Variants in GID8 observed in about 807,000 individuals in gnomAD.
The protein encoded by GID8 is GID complex subunit 8 homolog.
Under a neutral mutation model 27.4 loss-of-function variants are expected in GID8, and 6 were observed. The observed-to-expected ratio is 0.22, with a 90% CI of 0.12 to 0.43. The LOEUF (loss-of-function observed/expected upper bound fraction) is 0.43, where lower values mean the gene tolerates loss of function less well. GID8 is among the 20% of genes least tolerant of loss of function. GID8 has a pLI of 1.00. For missense variants in GID8, 173 were observed against 287.6 expected (o/e 0.60, Z 2.88); for synonymous variants, 112 against 109.0 (o/e 1.03, Z -0.17).
intron 1 of GID8, 148 bp from the exon 2 acceptor site, chr20:62,941,343 T>C (rs2065442707): frequency 1.0e-5 from 6 of 595,582 alleles, no homozygotes; most frequent in African/African-American, 1.9e-5. Flanking sequence ...AGCATTGGCA[T>C]TCTCAGTCTG....
At position 62,943,839 on chromosome 20, in the gene GID8, T is replaced by C; in HGVS notation, c.513+147T>C. ...ATGCTAAGTGGTTCCTTCATGGCTT[T>C]TTTTTTTTTTTTTGGAGGTGAAGTC... On this transcript the variant is annotated intron_variant, in intron 4 of 4. Transcript: ENST00000266069. The surrounding 1 kb of genome is among the most constrained non-coding windows in gnomAD (Gnocchi z 4.7). The C allele has an allele frequency of 2.8e-5, 12 of 435,134 alleles. No individual in the cohort carries two copies. The South Asian group carries it at 4.4e-4, about 16-fold the overall frequency. The allele number at this position is 435,134 out of a possible 1,614,324, so 27.0% of individuals were successfully genotyped here. A position where few individuals can be genotyped will look rare whatever the true frequency, so the allele number is the denominator to read the frequency against.
Position 62,948,110 on chromosome 20 carries a change from G to A in GID8, c.*3198G>A, listed in dbSNP as rs977563550. On this transcript the variant is annotated 3_prime_UTR_variant, in exon 5 of 5. Coordinates refer to ENST00000266069, the MANE Select transcript of GID8 (RefSeq NM_017896.3). The stretch of plus-strand genomic sequence containing the variant: ...GCGTTGTTCACAATAGGGCCTCATG[G>A]GTGTAGCCGCATGGCAGACCCATGG... 1.3e-5 allele frequency: 2 copies of A among 152,236 alleles called. No individual in the cohort carries two copies. Among genetic ancestry groups the A allele is most frequent in the African/African-American group, 4.8e-5 (2 of 41,466 alleles). The allele number at this position is 152,236 out of a possible 1,614,324, so 9.4% of individuals were successfully genotyped here. A position where few individuals can be genotyped will look rare whatever the true frequency, so the allele number is the denominator to read the frequency against.
At chr20:62,942,065 T>C (rs1273239748) in intron 2 of GID8, among the ~76,000 whole-genome samples, 1 of 152,186 alleles carries the variant, frequency 6.6e-6, no homozygotes, top group Non-Finnish European at 1.5e-5. Context: ...AGGGCAGTGC[T>C]GTATATGGCA....
rs184432335 is a variant in GID8, at chr20:62,943,457, G to T, written c.316-38G>T. ...CCACCTGCCCTAAGTCCCTGGCCTG[G>T]GTGTGTGGGGGTCAAGCTTGTCTGT... On this transcript the variant is annotated intron_variant, in intron 3 of 4. Coordinates refer to ENST00000266069, the MANE Select transcript of GID8 (RefSeq NM_017896.3). This position sits in a 1 kb window ranked among gnomAD's most constrained non-coding sequence, Gnocchi z 4.7. 2.6e-4 allele frequency: 410 copies of T among 1,588,864 alleles called. 1 individual carries two copies. In the African/African-American group the frequency reaches 4.8e-3, roughly 19 times the overall value.
rs2147633694 is a variant in GID8, at chr20:62,944,890, G to T, written c.665G>T (p.Gly222Val). 1 of 1,613,140 alleles carries T rather than the reference G, an allele frequency of 6.2e-7. No individual in the cohort carries two copies. The highest frequency in any genetic ancestry group is 2.2e-5 in the East Asian group (1 of 44,816). The change falls in exon 5 of 5, where the codon GGT becomes GTT. Residue 222 changes from glycine (G) to valine (V), a missense_variant. By Grantham distance (109) the Gly-to-Val change is moderately radical (BLOSUM62 -3). Transcript: ENST00000266069. ...CCCAAAATGACAGACCTCAGCAAGG[G>T]TGTGATTGAGGAGCCCAAGTAGCGC... ...KYPKMTDLSK[G>V]VIEEPK
In GID8 at chr20:62,938,260, TG is replaced by T. The variant is rs902489674; in HGVS notation, c.-13+9del. On this transcript the variant is annotated splice_region_variant and intron_variant, in intron 1 of 4. Coordinates refer to ENST00000266069, the MANE Select transcript of GID8 (RefSeq NM_017896.3). ...GGGAGGCAGGTTCCGCACGGTAAGA[TG>T]GCGGCGGCGGGCCCGGGCGGCCGGG... The T allele has an allele frequency of 6.6e-6, 1 of 151,100 alleles. No homozygotes were observed. The highest frequency in any genetic ancestry group is 2.4e-5 in the African/African-American group (1 of 41,122). The allele number at this position is 151,100 out of a possible 1,614,324, so 9.4% of individuals were successfully genotyped here.
chr20:62,942,012 G>A (rs1043857067), intron 2 of GID8, among the ~76,000 whole-genome samples: 2 of 152,200 alleles, frequency 1.3e-5, no homozygotes, highest in Non-Finnish European at 2.9e-5. Flanking sequence ...GAAGCGTGCA[G>A]AGGGAAATAA....
At chr20:62,944,537 C>G (rs552716699) in intron 4 of GID8, among the ~76,000 whole-genome samples, 1 of 152,216 alleles carries the variant, frequency 6.6e-6, no homozygotes, top group Non-Finnish European at 1.5e-5. Flanking sequence ...AAGGCTTGCT[C>G]ATGGCACTTA....
intron 2 of GID8, 37 bp downstream of exon 2, chr20:62,941,657 T>C: frequency 8.9e-7 from 1 of 1,127,484 alleles, no homozygotes; most frequent in South Asian, 1.2e-5. Flanking sequence ...TGCATGAATG[T>C]GATTCTCCCT....
intron 2 of GID8, among the ~76,000 whole-genome samples, chr20:62,942,662 C>T (rs761051466): frequency 4.6e-5 from 7 of 152,274 alleles, no homozygotes; most frequent in Middle Eastern, 3.4e-3. Context: ...ACCAGAGCTG[C>T]GGCTGCTGGC....
chr20:62,945,509 G>GT lies in GID8; in HGVS notation c.*603dup, dbSNP rs1425189776. The GT allele has an allele frequency of 9.6e-7, 1 of 1,046,186 alleles. No homozygotes were observed. The highest frequency in any genetic ancestry group is 1.2e-6 in the Non-Finnish European group (1 of 865,158). 64.8% of individuals were successfully genotyped at this position (1,046,186 alleles called of 1,614,324 possible). ...GGGGATGCGTGTGAGGGGGCTATGT[G>GT]TTTTTTAATTTTTTAAATATATATT... On this transcript the variant is annotated 3_prime_UTR_variant, in exon 5 of 5. Coordinates refer to ENST00000266069, the MANE Select transcript of GID8 (RefSeq NM_017896.3).
intron 4 of GID8, 30 bp from the exon 5 acceptor site, chr20:62,944,709 T>C (rs1014382550): frequency 1.4e-6 from 2 of 1,474,258 alleles, no homozygotes; most frequent in East Asian, 2.3e-5. Flanking sequence ...GCGTGTATGG[T>C]GGTTTTTATC....
At position 62,944,965 on chromosome 20, in the gene GID8, C is replaced by A. The variant is rs1434249421; in HGVS notation, c.*53C>A. On this transcript the variant is annotated 3_prime_UTR_variant, in exon 5 of 5. Transcript: ENST00000266069. ...ACCAGCCCTGCGTCGTGGGACTTGCCTCAGATCAGCCTGCGACTGCAAGAT... is the reference window on the plus strand; with the variant it reads ...ACCAGCCCTGCGTCGTGGGACTTGCATCAGATCAGCCTGCGACTGCAAGAT... 2 of 1,554,646 alleles carry A rather than the reference C, an allele frequency of 1.3e-6. No homozygotes were observed. The highest frequency in any genetic ancestry group is 2.0e-5 in the Admixed American group (1 of 50,874).
chr20:62,945,052 A>G lies in GID8; in HGVS notation c.*140A>G, dbSNP rs2065459985. 2.0e-5 allele frequency: 29 copies of G among 1,428,744 alleles called. No individual in the cohort carries two copies. Among genetic ancestry groups the G allele is most frequent in the Non-Finnish European group, 2.7e-5 (29 of 1,094,292 alleles). 88.5% of individuals were successfully genotyped at this position (1,428,744 alleles called of 1,614,324 possible). A position where few individuals can be genotyped will look rare whatever the true frequency, so the allele number is the denominator to read the frequency against. The stretch of plus-strand genomic sequence containing the variant: ...CTTTTTTTTGACCTGGCATCTTTTT[A>G]TAGGGAAAAATGGCCTTTGTAGGCA... On this transcript the variant is annotated 3_prime_UTR_variant, in exon 5 of 5. Coordinates refer to ENST00000266069, the MANE Select transcript of GID8 (RefSeq NM_017896.3).
In GID8 at chr20:62,943,396, T is replaced by C; in HGVS notation, c.316-99T>C. 8.5e-7 allele frequency: 1 copy of C among 1,169,764 alleles called. No individual in the cohort carries two copies. The highest frequency in any genetic ancestry group is 2.0e-5 in the Admixed American group (1 of 49,192). 72.5% of individuals were successfully genotyped at this position (1,169,764 alleles called of 1,614,324 possible). On this transcript the variant is annotated intron_variant, in intron 3 of 4. Transcript: ENST00000266069. This position sits in a 1 kb window ranked among gnomAD's most constrained non-coding sequence, Gnocchi z 4.7. ...ATAACTCAGAGATGCAAGAAAAGTC[T>C]TCCCTCTGTGATGTACTTTTGATTG... is the stretch of plus-strand genomic sequence containing the variant.
At position 62,945,004 on chromosome 20, in the gene GID8, G is replaced by A; in HGVS notation, c.*92G>A. 5.4e-6 allele frequency: 8 copies of A among 1,474,080 alleles called. No homozygotes were observed. The highest frequency in any genetic ancestry group is 7.2e-6 in the Non-Finnish European group (8 of 1,112,006). The allele number at this position is 1,474,080 out of a possible 1,614,324, so 91.3% of individuals were successfully genotyped here. On this transcript the variant is annotated 3_prime_UTR_variant, in exon 5 of 5. Coordinates refer to ENST00000266069, the MANE Select transcript of GID8 (RefSeq NM_017896.3). ...CGACTGCAAGATTCTTACTGCAGTA[G>A]AGAACTCTTTTTCTCCCTTGTACTT...
chr20:62,943,243 A>G lies in GID8; in HGVS notation c.315+60A>G. ...TACTTGATAAGTTAAAGTTATTTGCAATGATTGAGAAATAACTAGGCTAAT... is the reference window on the plus strand; with the variant it reads ...TACTTGATAAGTTAAAGTTATTTGCGATGATTGAGAAATAACTAGGCTAAT... On this transcript the variant is annotated intron_variant, in intron 3 of 4. Transcript: ENST00000266069. The surrounding 1 kb of genome is among the most constrained non-coding windows in gnomAD (Gnocchi z 4.7). 1 of 1,256,836 alleles carries G rather than the reference A, an allele frequency of 8.0e-7. No individual in the cohort carries two copies. The highest frequency in any genetic ancestry group is 1.1e-6 in the Non-Finnish European group (1 of 895,634). 77.9% of individuals were successfully genotyped at this position (1,256,836 alleles called of 1,614,324 possible).
At chr20:62,939,663 T>C (rs1468287063) in intron 1 of GID8, among the ~76,000 whole-genome samples, 3 of 152,104 alleles carry the variant, frequency 2.0e-5, no homozygotes, top group African/African-American at 7.2e-5. Context: ...CGGTAATCTG[T>C]CTAGCAGCAG....
intron 1 of GID8, among the ~76,000 whole-genome samples, chr20:62,941,087 A>T (rs553441847): frequency 3.5e-4 from 53 of 152,386 alleles, no homozygotes; most frequent in African/African-American, 1.3e-3. Context: ...CTGCTGTTGA[A>T]TGAACGCTCA....
Sources: allele counts gnomAD v4.1 joint callset (sites outside exome capture counted in the v4.1 genomes callset), GRCh38; gene constraint gnomAD v4.1.1; non-coding constraint Gnocchi (gnomAD v3.1); transcripts MANE v1.5; gene names NCBI Gene and HGNC (gene_info 2026-07-23, HGNC 2026-07-21).